The following L3MBTL4 variants were observed in gnomAD, a reference collection of about 807,000 sequenced individuals.
The protein encoded by L3MBTL4 is L3MBTL histone methyl-lysine binding protein 4.
A neutral mutation model predicts 84.5 loss-of-function variants in L3MBTL4; 70 were observed. The ratio of observed to expected loss-of-function variants is 0.83; its 90% CI spans 0.68 to 1.01. The LOEUF (loss-of-function observed/expected upper bound fraction) is 1.01, where lower values mean the gene tolerates loss of function less well. L3MBTL4 is among the 50% of genes least tolerant of loss of function. The pLI is 0.00. For synonymous variants in L3MBTL4, 274 were observed against 259.8 expected, an observed-to-expected ratio of 1.05 and a Z score of -0.52; for missense variants, 715 against 754.8, an observed-to-expected ratio of 0.95 and a Z score of 0.62.
At chr18:6,184,078 T>C (rs1247596003) in intron 12 of L3MBTL4, among the ~76,000 whole-genome samples, 1 of 152,146 alleles carries the variant, frequency 6.6e-6, no homozygotes, top group Non-Finnish European at 1.5e-5. Flanking sequence ...AATGGAAGTA[T>C]ACACACACAG....
intron 14 of L3MBTL4, among the ~76,000 whole-genome samples, chr18:6,115,096 A>G (rs975401301): frequency 2.0e-5 from 3 of 152,176 alleles, no homozygotes; most frequent in African/African-American, 7.2e-5. Context: ...CTCATTTTGA[A>G]GGAGATGGCG....
intron 16 of L3MBTL4, among the ~76,000 whole-genome samples, chr18:5,989,411 C>A (rs1346984784): frequency 6.6e-6 from 1 of 152,094 alleles, no homozygotes; most frequent in Admixed American, 6.5e-5. Flanking sequence ...TTTTTTAAAC[C>A]ATATAGATAA....
chr18:6,317,703 T>A (rs1223403930), intron 1 of L3MBTL4, among the ~76,000 whole-genome samples: 1 of 152,128 alleles, frequency 6.6e-6, no homozygotes, highest in East Asian at 1.9e-4. Flanking sequence ...GAGGAATACA[T>A]CCCTGGTCTT....
intron 16 of L3MBTL4, among the ~76,000 whole-genome samples, chr18:6,040,690 T>G (rs1306144048): frequency 6.6e-6 from 1 of 152,182 alleles, no homozygotes; most frequent in African/African-American, 2.4e-5. Context: ...ACTCAGTGCT[T>G]GAAACCTTCA....
At chr18:6,346,103 AATATATATAT>A (rs34294575) in intron 1 of L3MBTL4, among the ~76,000 whole-genome samples, 6 of 129,814 alleles carry the variant, frequency 4.6e-5, no homozygotes, top group South Asian at 2.6e-4. Flanking sequence ...ATGATGTTGG[AATATATATAT>A]ATATATATAT....
Position 6,391,619 on chromosome 18 carries a change from G to A in L3MBTL4, c.-91+23182C>T, listed in dbSNP as rs2055053395. On this transcript the variant is annotated intron_variant, in intron 1 of 18. Transcript: ENST00000317931. ...CTCCAAAGGCTCCTAGATTTGATAA[G>A]CAAATTTGGTAAAGTCTCAGGTTAC... is the stretch of plus-strand genomic sequence containing the variant. Among the ~76,000 whole-genome samples the A allele has an allele frequency of 2.0e-5, 3 of 152,122 alleles. No individual in the cohort carries two copies. The South Asian group carries it at 6.2e-4, about 32-fold the overall frequency.
At chr18:6,124,142 G>T (rs80333853) in intron 14 of L3MBTL4, among the ~76,000 whole-genome samples, 1 of 152,182 alleles carries the variant, frequency 6.6e-6, no homozygotes, top group Non-Finnish European at 1.5e-5. Flanking sequence ...ATTCATTCAA[G>T]TGATTTTCCT....
chr18:6,061,133 C>G (rs1447439320), intron 16 of L3MBTL4, among the ~76,000 whole-genome samples: 1 of 152,104 alleles, frequency 6.6e-6, no homozygotes, highest in East Asian at 1.9e-4. Flanking sequence ...GCTTCCCTAC[C>G]AGCAATGGAT....
intron 16 of L3MBTL4, among the ~76,000 whole-genome samples, chr18:6,006,283 C>T (rs1241136027): frequency 6.6e-6 from 1 of 152,126 alleles, no homozygotes; most frequent in Non-Finnish European, 1.5e-5. Context: ...AGTTCAAGAA[C>T]ATGAGTTCCG....
intron 13 of L3MBTL4, among the ~76,000 whole-genome samples, chr18:6,166,537 C>T (rs2043667794): frequency 6.6e-6 from 1 of 152,210 alleles, no homozygotes; most frequent in African/African-American, 2.4e-5. Context: ...CTCAAAACTG[C>T]TCAACTACAT....
At chr18:6,258,795 G>A (rs1311069963) in intron 5 of L3MBTL4, 1 of 152,628 alleles carries the variant, frequency 6.6e-6, no homozygotes, top group Admixed American at 6.5e-5. Context: ...AAATGTCCCA[G>A]GGTGAGAACG....
intron 1 of L3MBTL4, among the ~76,000 whole-genome samples, chr18:6,363,177 T>C (rs751968683): frequency 1.3e-5 from 2 of 152,230 alleles, no homozygotes; most frequent in Non-Finnish European, 2.9e-5. Flanking sequence ...AGTCTCCGTT[T>C]CCTGAGTTCG....
chr18:6,234,044 C>T (rs2047110247), intron 10 of L3MBTL4, among the ~76,000 whole-genome samples: 2 of 152,088 alleles, frequency 1.3e-5, no homozygotes, highest in African/African-American at 4.8e-5. Flanking sequence ...TTTGACAAAC[C>T]TGACAAAAAC....
intron 16 of L3MBTL4, among the ~76,000 whole-genome samples, chr18:5,982,714 A>T (rs186355483): frequency 1.5e-3 from 228 of 152,328 alleles, no homozygotes; most frequent in Non-Finnish European, 2.7e-3. Flanking sequence ...TTGCTATTTT[A>T]AAAAAGTCCA....
intron 1 of L3MBTL4, among the ~76,000 whole-genome samples, chr18:6,375,532 C>T (rs1185788326): frequency 6.6e-6 from 1 of 152,138 alleles, no homozygotes; most frequent in Non-Finnish European, 1.5e-5. Context: ...AGGTGAGGGA[C>T]ACTTCCACAG....
At chr18:6,225,390 A>C (rs982106084) in intron 10 of L3MBTL4, among the ~76,000 whole-genome samples, 1 of 152,244 alleles carries the variant, frequency 6.6e-6, no homozygotes, top group Non-Finnish European at 1.5e-5. Context: ...AGTGAAGCAC[A>C]AAACTGGAGA....
At chr18:6,254,108 G>A (rs1180770895) in intron 5 of L3MBTL4, among the ~76,000 whole-genome samples, 3 of 152,022 alleles carry the variant, frequency 2.0e-5, no homozygotes, top group Admixed American at 1.3e-4. Flanking sequence ...AAAATTTTGG[G>A]TGCAAATGGA....
intron 4 of L3MBTL4, among the ~76,000 whole-genome samples, chr18:6,294,632 T>G (rs2050009305): frequency 6.6e-6 from 1 of 152,210 alleles, no homozygotes; most frequent in South Asian, 2.1e-4. Context: ...GTAAGTGCAC[T>G]GCCTACAGGG....
chr18:6,390,272 T>A (rs547996580), intron 1 of L3MBTL4, among the ~76,000 whole-genome samples: 3 of 152,264 alleles, frequency 2.0e-5, no homozygotes, highest in Admixed American at 2.0e-4. Context: ...AATTTAAAAA[T>A]TCTTTGAAAT....
Sources: allele counts gnomAD v4.1 joint callset (sites outside exome capture counted in the v4.1 genomes callset), GRCh38; gene constraint gnomAD v4.1.1; transcripts MANE v1.5; gene names NCBI Gene and HGNC (gene_info 2026-07-23, HGNC 2026-07-21).